DHTKD1: variants seen among roughly 807,000 people sequenced by gnomAD.
DHTKD1 encodes 2-oxoadipate dehydrogenase complex component E1.
In DHTKD1, 78 loss-of-function variants were observed where a neutral mutation model predicts 101.8. That is an observed-to-expected ratio of 0.77 (90% CI 0.64 to 0.93). The LOEUF is 0.93. DHTKD1 is among the 40% of genes least tolerant of loss of function. The probability of loss-of-function intolerance (pLI) is 0.00; values close to 1 mark genes in which losing one functional copy is unlikely to be tolerated. For missense variants in DHTKD1, 1,223 were observed against 1,161.7 expected (o/e 1.05, Z -0.77); for synonymous variants, 462 against 450.3 (o/e 1.03, Z -0.33).
intron 14 of DHTKD1, among the ~76,000 whole-genome samples, chr10:12,118,445 C>T (rs961279837): frequency 3.3e-5 from 5 of 149,828 alleles, no homozygotes; most frequent in African/African-American, 9.9e-5. Context: ...TGCAGTGGCA[C>T]GATCTTGGCT....
chr10:12,079,629 C>T (rs1228842919), intron 1 of DHTKD1, among the ~76,000 whole-genome samples: 4 of 152,042 alleles, frequency 2.6e-5, no homozygotes, highest in African/African-American at 9.7e-5. Flanking sequence ...GATTGCACCA[C>T]TGCACTCCAG....
In DHTKD1 at chr10:12,106,749, C is replaced by T. The variant is rs1833255395; in HGVS notation, c.2047+353C>T. 2.0e-5 allele frequency among the ~76,000 whole-genome samples: 3 copies of T among 152,142 alleles called. No homozygotes were observed. The South Asian group carries it at 6.2e-4, about 31-fold the overall frequency. ...TTGAAGTAAACGTCTAAGTCTTCTC[C>T]CCAGACCCTGAATCCCATTTTCCAG... is the stretch of plus-strand genomic sequence containing the variant. On this transcript the variant is annotated intron_variant, in intron 11 of 16. Transcript: ENST00000263035.
chr10:12,106,526 T>TG (rs1358090645), intron 11 of DHTKD1, 130 bp downstream of exon 11: 2 of 1,158,284 alleles, frequency 1.7e-6, no homozygotes, highest in Admixed American at 1.9e-5. Context: ...TCCAGGGAGT[T>TG]GGGGTCACCC....
intron 1 of DHTKD1, among the ~76,000 whole-genome samples, chr10:12,074,861 C>A (rs1002539986): frequency 6.6e-6 from 1 of 152,054 alleles, no homozygotes; most frequent in Non-Finnish European, 1.5e-5. Context: ...TGCAAACCAG[C>A]GGCCATATTG....
intron 3 of DHTKD1, among the ~76,000 whole-genome samples, chr10:12,086,371 C>T (rs1458964816): frequency 2.0e-5 from 3 of 151,512 alleles, no homozygotes; most frequent in African/African-American, 7.3e-5. Flanking sequence ...CAGGTGCATG[C>T]CATGATGCCT....
chr10:12,100,010 G>A (rs1228321924), intron 8 of DHTKD1, among the ~76,000 whole-genome samples, 168 bp from the exon 9 acceptor site: 1 of 151,710 alleles, frequency 6.6e-6, no homozygotes, highest in Non-Finnish European at 1.5e-5. Flanking sequence ...TGTCCAGGCT[G>A]GTCTTGAACT....
chr10:12,097,615 T>A (rs1290503947), intron 7 of DHTKD1, 69 bp from the exon 8 acceptor site: 10 of 1,386,626 alleles, frequency 7.2e-6, no homozygotes, highest in Non-Finnish European at 9.9e-6. Flanking sequence ...CCCTTGACAG[T>A]GACTCTCCTT....
rs575117188 is a variant in DHTKD1, at chr10:12,111,254, C to A, written c.2155-1646C>A. 3.3e-5 allele frequency among the ~76,000 whole-genome samples: 5 copies of A among 152,202 alleles called. No individual in the cohort carries two copies. The East Asian group carries it at 9.7e-4, about 29-fold the overall frequency. ...AGTCTTGGCTCTCTGCAACCTCTGCCTCCCAGGTTCAAGCAATTCTCCTGC... is the reference window on the plus strand; with the variant it reads ...AGTCTTGGCTCTCTGCAACCTCTGCATCCCAGGTTCAAGCAATTCTCCTGC... On this transcript the variant is annotated intron_variant, in intron 12 of 16. Coordinates refer to ENST00000263035, the MANE Select transcript of DHTKD1 (RefSeq NM_018706.7).
chr10:12,097,329 G>A (rs1343089818), intron 7 of DHTKD1, among the ~76,000 whole-genome samples: 2 of 152,024 alleles, frequency 1.3e-5, no homozygotes, highest in Non-Finnish European at 2.9e-5. Flanking sequence ...CTGGAGTGCA[G>A]TGGTGCCATC....
rs554390538 is a variant in DHTKD1 at position 12,074,558 on chromosome 10, C to T, written c.154+5371C>T. ...TTTTTTTAGTAGAGATGGGGTTTCA[C>T]CGTGTTAGCCAGGATGGTTTCGATC... On this transcript the variant is annotated intron_variant, in intron 1 of 16. Transcript: ENST00000263035. 2.0e-4 allele frequency among the ~76,000 whole-genome samples: 30 copies of T among 151,656 alleles called. 1 individual carries two copies. In the South Asian group the frequency reaches 6.3e-3, roughly 32 times the overall value.
rs185139413 is a variant in DHTKD1, at chr10:12,119,032, C to T, written c.2572+114C>T. 222 of 1,060,540 alleles carry T rather than the reference C, an allele frequency of 2.1e-4. No homozygotes were observed. In the African/African-American group the frequency reaches 2.8e-3, roughly 13 times the overall value. The allele number at this position is 1,060,540 out of a possible 1,614,324, so 65.7% of individuals were successfully genotyped here. On this transcript the variant is annotated intron_variant, in intron 15 of 16. Transcript: ENST00000263035. Reference sequence around the variant, plus strand: ...TTAGAAAATTGAATCTTGGGCCGGGCGCGGTGGCTCACACCTGTAATCCTG... The same window carrying T: ...TTAGAAAATTGAATCTTGGGCCGGGTGCGGTGGCTCACACCTGTAATCCTG...
chr10:12,108,041 A>C, intron 12 of DHTKD1, 26 bp downstream of exon 12: 1 of 1,562,566 alleles, frequency 6.4e-7, no homozygotes. Flanking sequence ...TCCGGAGTCA[A>C]TGAATCATTT....
At position 12,107,234 on chromosome 10, in the gene DHTKD1, C is replaced by T. The variant is rs1833264002; in HGVS notation, c.2048-675C>T. ...TTCTCCTGACCTCATGATCCACCCA[C>T]CTCAGCCTCCCAAAGTGGTGGGATT... On this transcript the variant is annotated intron_variant, in intron 11 of 16. Transcript: ENST00000263035. The surrounding 1 kb of genome is among the most constrained non-coding windows in gnomAD (Gnocchi z 4.1). Among the ~76,000 whole-genome samples the T allele has an allele frequency of 3.3e-5, 5 of 152,146 alleles. No homozygotes were observed. In the South Asian group the frequency reaches 1.0e-3, roughly 32 times the overall value.
chr10:12,089,020 T>A lies in DHTKD1; in HGVS notation c.752T>A (p.Phe251Tyr), dbSNP rs774627644. 6.2e-7 allele frequency: 1 copy of A among 1,614,080 alleles called. No individual in the cohort carries two copies. The highest frequency in any genetic ancestry group is 1.1e-5 in the South Asian group (1 of 91,072). The change falls in exon 5 of 17, where the codon TTT becomes TAT. Residue 251 changes from phenylalanine to tyrosine, a missense_variant. Transcript: ENST00000263035. ...MFRKMRGLSE[F>Y]PENFSATGDV... ...CGTAAAATGCGAGGCTTAAGTGAAT[T>A]TCCAGAGAATTTCTCAGCCACTGGA...
chr10:12,122,974 T>G lies in DHTKD1; in HGVS notation c.*2086T>G, dbSNP rs1307407874. On this transcript the variant is annotated 3_prime_UTR_variant, in exon 17 of 17. Coordinates refer to ENST00000263035, the MANE Select transcript of DHTKD1 (RefSeq NM_018706.7). ...TACATATAGGCTGTTCTAGCCACAG[T>G]GGTAGATTTATGATTCACATCCGAA... 1 of 152,224 alleles carries G rather than the reference T, an allele frequency of 6.6e-6. No individual in the cohort carries two copies. The highest frequency in any genetic ancestry group is 1.5e-5 in the Non-Finnish European group (1 of 68,036). The allele number at this position is 152,224 out of a possible 1,614,324, so 9.4% of individuals were successfully genotyped here.
rs1277649888 is a variant in DHTKD1 at position 12,069,161 on chromosome 10, C to G, written c.128C>G (p.Pro43Arg). ...CCGAGGAAGCCCGAGAGCCGCGAGC[C>G]CCAGGGCGCCCTGGAGCGCCCCCCA... ...YRPRKPESRE[P>R]QGALERPPVD... The change falls in exon 1 of 17, where the codon CCC becomes CGC. Residue 43 changes from proline to arginine, a missense_variant. Coordinates refer to ENST00000263035, the MANE Select transcript of DHTKD1 (RefSeq NM_018706.7). 8.3e-6 allele frequency: 13 copies of G among 1,565,272 alleles called. No individual in the cohort carries two copies. Among genetic ancestry groups the G allele is most frequent in the Non-Finnish European group, 1.1e-5 (13 of 1,156,436 alleles).
In DHTKD1 at chr10:12,118,842, C is replaced by T. The variant is rs1588620686; in HGVS notation, c.2496C>T (p.Ile832=). ...SLGAKKHDFA[I]IRVEELCPFP... is the part of the protein sequence containing the mutation. ...GGGCCAAGAAGCATGACTTTGCCAT[C>T]ATCCGAGTAGAGGAACTCTGCCCCT... Residue 832 remains isoleucine (I), a synonymous_variant, in exon 15 of 17, where the codon ATC becomes ATT. Transcript: ENST00000263035. 1 of 1,609,034 alleles carries T rather than the reference C, an allele frequency of 6.2e-7. No homozygotes were observed.
intron 7 of DHTKD1, among the ~76,000 whole-genome samples, chr10:12,096,711 A>G (rs571486147): frequency 1.5e-3 from 227 of 152,346 alleles, no homozygotes; most frequent in African/African-American, 5.3e-3. Context: ...ATTAAATATG[A>G]TAATATATGT....
chr10:12,115,743 C>T lies in DHTKD1; in HGVS notation c.2320-1930C>T, dbSNP rs1795559902. Among the ~76,000 whole-genome samples, 5 of 152,072 alleles carry T rather than the reference C, an allele frequency of 3.3e-5. No homozygotes were observed. In the South Asian group the frequency reaches 1.0e-3, roughly 32 times the overall value. On this transcript the variant is annotated intron_variant, in intron 13 of 16. Transcript: ENST00000263035. ...GGAAGAGTTAATGCAATGCCTTTAGCACCATTTTTCTGATGGGGCTCTTTT... is the reference window on the plus strand; with the variant it reads ...GGAAGAGTTAATGCAATGCCTTTAGTACCATTTTTCTGATGGGGCTCTTTT...
Sources: gnomAD v4.1 joint callset for allele counts (sites outside exome capture counted in the v4.1 genomes callset) on GRCh38, gnomAD v4.1.1 for gene constraint, Gnocchi (gnomAD v3.1) non-coding constraint, MANE v1.5 for transcripts, NCBI Gene and HGNC (gene_info 2026-07-23, HGNC 2026-07-21) for gene names.